The following LTN1 variants were observed in gnomAD, a reference collection of about 807,000 sequenced individuals.
LTN1 encodes listerin E3 ubiquitin protein ligase 1, also known as E3 ubiquitin-protein ligase listerin.
LTN1 carries 88 observed loss-of-function variants against 201.2 expected under a neutral mutation model. That is an observed-to-expected ratio of 0.44 (90% CI 0.37 to 0.52). The LOEUF is 0.52. LTN1 is among the 20% of genes least tolerant of loss of function. The probability of loss-of-function intolerance (pLI) is 0.00; values close to 1 mark genes in which losing one functional copy is unlikely to be tolerated. For synonymous variants in LTN1, 645 were observed against 713.5 expected (o/e 0.90, Z 1.53); for missense variants, 1,752 against 2,038.7 (o/e 0.86, Z 2.71).
chr21:28,992,698 C>T, intron 1 of LTN1, 66 bp downstream of exon 1: 3 of 1,586,408 alleles, frequency 1.9e-6, no homozygotes, highest in Non-Finnish European at 2.6e-6. Context: ...CCTCCAGCAA[C>T]GCGCTGGGCG....
At chr21:28,964,605 A>G (rs1230322803) in intron 11 of LTN1, 2 of 1,548,136 alleles carry the variant, frequency 1.3e-6, no homozygotes, top group South Asian at 1.2e-5. Flanking sequence ...CAGTATGAAC[A>G]TATCTAATGA....
intron 20 of LTN1, 75 bp downstream of exon 20, chr21:28,946,077 A>T (rs2084334802): frequency 1.4e-6 from 2 of 1,473,618 alleles, no homozygotes; most frequent in East Asian, 4.6e-5. Context: ...TTTCTCTACA[A>T]AATTGTGACA....
chr21:28,951,050 CAT>C (rs138881051), intron 18 of LTN1, among the ~76,000 whole-genome samples: 3,749 of 152,226 alleles, frequency 0.025, 158 homozygotes, highest in African/African-American at 0.085. Context: ...CATACACAAA[CAT>C]GTGCATGTAA....
At chr21:28,941,905 T>TA (rs11390571) in intron 24 of LTN1, among the ~76,000 whole-genome samples, 64,385 of 152,056 alleles carry the variant, frequency 0.42, 13,808 homozygotes, top group East Asian at 0.61. Context: ...TGTGCCTGTT[T>TA]AAAAAATCAT....
Position 28,932,674 on chromosome 21 carries a change from A to G in LTN1, c.4876-10T>C. On this transcript the variant is annotated splice_polypyrimidine_tract_variant and intron_variant, in intron 27 of 29. Transcript: ENST00000361371. The stretch of plus-strand genomic sequence containing the variant: ...TAGCTCGAGCTTTAACCTGCAATAC[A>G]ACAAAGGATATTTTGTTTGCCAAAT... 1 of 1,579,746 alleles carries G rather than the reference A, an allele frequency of 6.3e-7. No homozygotes were observed. The highest frequency in any genetic ancestry group is 8.6e-7 in the Non-Finnish European group (1 of 1,161,056).
chr21:28,930,357 A>G lies in LTN1; in HGVS notation c.*91T>C. Reference sequence around the variant, plus strand: ...AAGGTCCTATTTAAAAGTAATGCTCACTGGCTTCCCCACATCCACACTTTC... The same window carrying G: ...AAGGTCCTATTTAAAAGTAATGCTCGCTGGCTTCCCCACATCCACACTTTC... On this transcript the variant is annotated 3_prime_UTR_variant, in exon 30 of 30. Transcript: ENST00000361371. 1 of 896,128 alleles carries G rather than the reference A, an allele frequency of 1.1e-6. No individual in the cohort carries two copies. Among genetic ancestry groups the G allele is most frequent in the Non-Finnish European group, 1.8e-6 (1 of 571,220 alleles). The allele number at this position is 896,128 out of a possible 1,614,324, so 55.5% of individuals were successfully genotyped here. A position where few individuals can be genotyped will look rare whatever the true frequency, so the allele number is the denominator to read the frequency against.
chr21:28,981,620 G>C (rs1433724523), intron 5 of LTN1, among the ~76,000 whole-genome samples: 2 of 152,054 alleles, frequency 1.3e-5, no homozygotes, highest in Non-Finnish European at 2.9e-5. Context: ...TTCCCTCAAG[G>C]ACTCTTAAAA....
At chr21:28,991,140 A>T (rs1183954966) in intron 1 of LTN1, among the ~76,000 whole-genome samples, 1 of 147,224 alleles carries the variant, frequency 6.8e-6, no homozygotes, top group Non-Finnish European at 1.5e-5. Flanking sequence ...CTGTCCCCGA[A>T]AAAAAAAAAA....
intron 25 of LTN1, among the ~76,000 whole-genome samples, chr21:28,937,892 A>T (rs567566093): frequency 3.3e-5 from 5 of 152,306 alleles, no homozygotes; most frequent in Middle Eastern, 6.8e-3. Flanking sequence ...ACACAATGAC[A>T]TTATATGGCT....
rs2146270570 is a variant in LTN1, at chr21:28,946,196, T to C, written c.3579A>G (p.Ile1193Met). The C allele has an allele frequency of 6.3e-7, 1 of 1,589,028 alleles. No homozygotes were observed. The highest frequency in any genetic ancestry group is 8.6e-7 in the Non-Finnish European group (1 of 1,168,588). Reference protein sequence around the residue: ...GELLHGILKIIISWKKEHEDI... With the variant: ...GELLHGILKIMISWKKEHEDI... ...CTTCATGCTCTTTCTTCCAGGATAT[T>C]ATGATTTTTAATATTCCATGTAATA... is the stretch of plus-strand genomic sequence containing the variant. Residue 1193 changes from isoleucine to methionine, a missense_variant, in exon 20 of 30, where the codon ATA becomes ATG. By Grantham distance (10) the Ile-to-Met change is conservative. Transcript: ENST00000361371.
intron 19 of LTN1, among the ~76,000 whole-genome samples, chr21:28,947,157 C>T (rs183694770): frequency 6.6e-6 from 1 of 152,254 alleles, no homozygotes; most frequent in East Asian, 1.9e-4. Flanking sequence ...ACAACAGACG[C>T]TATTTTTGCC....
intron 11 of LTN1, among the ~76,000 whole-genome samples, chr21:28,962,525 A>G (rs946564872): frequency 2.0e-5 from 3 of 152,306 alleles, no homozygotes; most frequent in Admixed American, 6.5e-5. Flanking sequence ...TTAATCAACA[A>G]ATATTGTGTG....
intron 12 of LTN1, 120 bp downstream of exon 12, chr21:28,960,397 T>G: frequency 1.6e-6 from 1 of 632,646 alleles, no homozygotes; most frequent in South Asian, 3.5e-5. Flanking sequence ...AAAAAAAAAA[T>G]TTGAATGAGT....
chr21:28,941,557 T>A, intron 24 of LTN1, 151 bp from the exon 25 acceptor site: 1 of 595,496 alleles, frequency 1.7e-6, no homozygotes, highest in East Asian at 3.0e-5. Flanking sequence ...CAATTTTAAC[T>A]CCTAATCTCA....
chr21:28,968,513 T>C (rs774643297), intron 9 of LTN1, among the ~76,000 whole-genome samples: 4 of 152,226 alleles, frequency 2.6e-5, no homozygotes, highest in Non-Finnish European at 5.9e-5. Context: ...AAGCATAATT[T>C]GAGTATTTTA....
intron 11 of LTN1, chr21:28,961,273 T>A (rs2084476772): frequency 6.6e-6 from 1 of 152,468 alleles, no homozygotes. Context: ...TCATTAATTT[T>A]GCTAAAATTA....
At chr21:28,992,022 A>T (rs1474667717) in intron 1 of LTN1, among the ~76,000 whole-genome samples, 1 of 152,240 alleles carries the variant, frequency 6.6e-6, no homozygotes, top group African/African-American at 2.4e-5. Context: ...ATTTGCTTTC[A>T]AAATACTTAC....
At chr21:28,939,645 T>C (rs1008215943) in intron 25 of LTN1, among the ~76,000 whole-genome samples, 4 of 152,206 alleles carry the variant, frequency 2.6e-5, no homozygotes, top group African/African-American at 4.8e-5. Context: ...TAATAAATGC[T>C]GCCGTATAAT....
intron 27 of LTN1, among the ~76,000 whole-genome samples, chr21:28,934,073 C>T (rs1178745629): frequency 6.6e-6 from 1 of 152,160 alleles, no homozygotes; most frequent in Non-Finnish European, 1.5e-5. Context: ...CACTTAATCC[C>T]CTCAGCCAGA....
Sources: allele counts gnomAD v4.1 joint callset (sites outside exome capture counted in the v4.1 genomes callset), GRCh38; gene constraint gnomAD v4.1.1; transcripts MANE v1.5; gene names NCBI Gene and HGNC (gene_info 2026-07-23, HGNC 2026-07-21).